Variants in C12orf75 observed in about 807,000 individuals in gnomAD.
C12orf75 encodes the protein overexpressed in colon carcinoma 1 protein.
In C12orf75, 4 loss-of-function variants were observed where a neutral mutation model predicts 11.4. That is an observed-to-expected ratio of 0.35 (90% CI 0.17 to 0.80). The LOEUF is 0.80. C12orf75 is among the 30% of genes least tolerant of loss of function. The pLI is 0.52. For synonymous variants in C12orf75, 30 were observed against 30.0 expected (o/e 1.00, Z 0.00); for missense variants, 89 against 80.4 (o/e 1.11, Z -0.41).
chr12:105,336,542 C>T (rs1044165862), intron 1 of C12orf75, among the ~76,000 whole-genome samples: 1 of 152,050 alleles, frequency 6.6e-6, no homozygotes. Context: ...AGAAGGAAGG[C>T]GTGAGCCACT....
chr12:105,337,690 T>TG (rs1221296809), intron 1 of C12orf75, among the ~76,000 whole-genome samples: 1 of 152,176 alleles, frequency 6.6e-6, no homozygotes, highest in Non-Finnish European at 1.5e-5. Context: ...TAGGAGTATT[T>TG]GGGGAAGTTG....
intron 5 of C12orf75, among the ~76,000 whole-genome samples, chr12:105,367,932 A>C (rs545848862): frequency 7.2e-5 from 11 of 152,302 alleles, no homozygotes; most frequent in African/African-American, 2.6e-4. Flanking sequence ...TGTCAGTACC[A>C]GAACTCCAGT....
rs1178254319 is a variant in C12orf75 at position 105,351,333 on chromosome 12, A to G, written c.71+2707A>G. ...AAGAACTTAGAATAGGGCAAACACAATATTATGCAGACCACAGGAAAGTCT... is the reference window on the plus strand; with the variant it reads ...AAGAACTTAGAATAGGGCAAACACAGTATTATGCAGACCACAGGAAAGTCT... On this transcript the variant is annotated intron_variant, in intron 2 of 5. Coordinates refer to ENST00000443585, the MANE Select transcript of C12orf75 (RefSeq NM_001145199.2). Among the ~76,000 whole-genome samples the G allele has an allele frequency of 4.6e-5, 7 of 152,220 alleles. 1 individual carries two copies. The South Asian group carries it at 1.0e-3, about 23-fold the overall frequency.
chr12:105,365,744 C>T, intron 2 of C12orf75, 63 bp from the exon 3 acceptor site: 1 of 1,188,540 alleles, frequency 8.4e-7, no homozygotes, highest in Non-Finnish European at 1.2e-6. Flanking sequence ...TTTCTCATAA[C>T]CAAAAATGAA....
intron 1 of C12orf75, among the ~76,000 whole-genome samples, chr12:105,335,535 T>G (rs1892490343): frequency 6.6e-6 from 1 of 152,252 alleles, no homozygotes; most frequent in Non-Finnish European, 1.5e-5. Context: ...GGAAACACTT[T>G]TTTGCTGGAG....
intron 1 of C12orf75, among the ~76,000 whole-genome samples, chr12:105,339,233 G>T (rs999643587): frequency 3.5e-5 from 5 of 144,436 alleles, no homozygotes; most frequent in African/African-American, 1.2e-4. Flanking sequence ...TTATTTTTCT[G>T]CAGTTATATT....
chr12:105,333,711 CAT>C (rs1892465841), intron 1 of C12orf75, among the ~76,000 whole-genome samples: 1 of 152,106 alleles, frequency 6.6e-6, no homozygotes, highest in African/African-American at 2.4e-5. Flanking sequence ...TCATAAGGCT[CAT>C]GTGAAACTCA....
intron 1 of C12orf75, among the ~76,000 whole-genome samples, chr12:105,344,970 C>A (rs1892619521): frequency 1.3e-5 from 2 of 148,744 alleles, no homozygotes. Flanking sequence ...CTAAGCCCCC[C>A]CCCAACCAAT....
chr12:105,336,686 G>A (rs1319189075), intron 1 of C12orf75, among the ~76,000 whole-genome samples: 3 of 152,170 alleles, frequency 2.0e-5, no homozygotes, highest in Non-Finnish European at 4.4e-5. Flanking sequence ...GAAGACAGTT[G>A]AGCTAAAGAG....
At chr12:105,342,540 C>T (rs1041538655) in intron 1 of C12orf75, among the ~76,000 whole-genome samples, 4 of 152,190 alleles carry the variant, frequency 2.6e-5, no homozygotes, top group Admixed American at 6.5e-5. Context: ...ACAAAAAGGA[C>T]CAAGACACAA....
intron 1 of C12orf75, among the ~76,000 whole-genome samples, chr12:105,337,207 C>A (rs1241225999): frequency 1.3e-5 from 2 of 151,994 alleles, no homozygotes; most frequent in Non-Finnish European, 2.9e-5. Flanking sequence ...ACCTGTAATC[C>A]CAGCTGCTTG....
At chr12:105,340,379 C>T (rs942184044) in intron 1 of C12orf75, among the ~76,000 whole-genome samples, 4 of 145,382 alleles carry the variant, frequency 2.8e-5, no homozygotes, top group Admixed American at 1.4e-4. Flanking sequence ...GAGCCGAGAT[C>T]GTGCCACTGC....
At chr12:105,368,123 A>AC (rs59257734) in intron 5 of C12orf75, among the ~76,000 whole-genome samples, 82,188 of 152,054 alleles carry the variant, frequency 0.54, 24,242 homozygotes, top group African/African-American at 0.78. Context: ...TTATAATAAG[A>AC]AACAAGAACA....
chr12:105,368,862 A>G (rs570980584), intron 5 of C12orf75, among the ~76,000 whole-genome samples: 2 of 152,210 alleles, frequency 1.3e-5, no homozygotes, highest in Non-Finnish European at 2.9e-5. Context: ...CCATGAACAG[A>G]GGGTATTCGG....
intron 3 of C12orf75, 184 bp downstream of exon 3, chr12:105,366,026 C>T: frequency 1.6e-6 from 1 of 620,228 alleles, no homozygotes; most frequent in Non-Finnish European, 2.9e-6. Flanking sequence ...TTTGCTCCTT[C>T]CAAGCAAACT....
intron 2 of C12orf75, among the ~76,000 whole-genome samples, chr12:105,352,098 G>A (rs922561409): frequency 3.9e-5 from 6 of 152,152 alleles, no homozygotes; most frequent in Admixed American, 6.5e-5. Flanking sequence ...GACTGAACGG[G>A]GAAGGAAAGG....
In C12orf75 at chr12:105,357,068, C is replaced by A. The variant is rs528647983; in HGVS notation, c.71+8442C>A. Among the ~76,000 whole-genome samples, 3 of 152,164 alleles carry A rather than the reference C, an allele frequency of 2.0e-5. No homozygotes were observed. In the South Asian group the frequency reaches 6.3e-4, roughly 32 times the overall value. Reference sequence around the variant, plus strand: ...TTGGAGGCAGCCCACCTTCCAGAACCCCGACCTACAAGAAGACAGAGCTTA... The same window carrying A: ...TTGGAGGCAGCCCACCTTCCAGAACACCGACCTACAAGAAGACAGAGCTTA... On this transcript the variant is annotated intron_variant, in intron 2 of 5. Coordinates refer to ENST00000443585, the MANE Select transcript of C12orf75 (RefSeq NM_001145199.2).
intron 1 of C12orf75, among the ~76,000 whole-genome samples, chr12:105,343,353 G>T (rs1307341905): frequency 6.6e-6 from 1 of 152,200 alleles, no homozygotes. Flanking sequence ...GGCAGGACAT[G>T]AAGTGGTATT....
intron 1 of C12orf75, among the ~76,000 whole-genome samples, chr12:105,336,744 T>C (rs1892503784): frequency 6.6e-6 from 1 of 152,126 alleles, no homozygotes; most frequent in Admixed American, 6.5e-5. Context: ...AAAATTAAAC[T>C]GTTAGAGCCT....
Sources: gnomAD v4.1 joint callset for allele counts (sites outside exome capture counted in the v4.1 genomes callset) on GRCh38, gnomAD v4.1.1 for gene constraint, MANE v1.5 for transcripts, NCBI Gene and HGNC (gene_info 2026-07-23, HGNC 2026-07-21) for gene names.